LGR6: variants seen among roughly 807,000 people sequenced by gnomAD.
LGR6 encodes leucine-rich repeat-containing G protein-coupled receptor 6.
LGR6 carries 45 observed loss-of-function variants against 69.4 expected under a neutral mutation model. The ratio of observed to expected loss-of-function variants is 0.65; its 90% CI spans 0.51 to 0.83. LGR6 has a LOEUF of 0.83. Ranked by LOEUF, LGR6 falls within the 40% of genes least tolerant of loss-of-function variation. The probability of loss-of-function intolerance (pLI) is 0.00; values close to 1 mark genes in which losing one functional copy is unlikely to be tolerated. For missense variants in LGR6, 1,108 were observed against 1,246.7 expected, an observed-to-expected ratio of 0.89 and a Z score of 1.68; for synonymous variants, 538 against 555.0, an observed-to-expected ratio of 0.97 and a Z score of 0.43.
At chr1:202,306,817 G>A (rs759454424) in intron 12 of LGR6, 51 bp from the exon 13 acceptor site, 51 of 1,535,566 alleles carry the variant, frequency 3.3e-5, no homozygotes, top group East Asian at 1.1e-4. Flanking sequence ...GGCATGGAGC[G>A]GAGCCAGGGT....
At chr1:202,286,737 AT>A (rs1262622420) in intron 6 of LGR6, among the ~76,000 whole-genome samples, 4 of 151,670 alleles carry the variant, frequency 2.6e-5, no homozygotes, top group South Asian at 2.1e-4. Context: ...CCATATAAAA[AT>A]TTTTTTTTCT....
At chr1:202,284,052 G>A (rs539175445) in intron 6 of LGR6, among the ~76,000 whole-genome samples, 16 of 152,242 alleles carry the variant, frequency 1.1e-4, no homozygotes, top group Admixed American at 9.1e-4. Context: ...GCAAATCCAA[G>A]TCATTTGGGC....
chr1:202,267,363 G>C (rs1664754411), intron 4 of LGR6, among the ~76,000 whole-genome samples: 1 of 152,148 alleles, frequency 6.6e-6, no homozygotes, highest in Non-Finnish European at 1.5e-5. Flanking sequence ...ACTACTTCTA[G>C]TGCAGACACA....
intron 6 of LGR6, among the ~76,000 whole-genome samples, chr1:202,291,276 T>C (rs1407031760): frequency 6.6e-6 from 1 of 152,224 alleles, no homozygotes; most frequent in African/African-American, 2.4e-5. Flanking sequence ...CAATGAACTC[T>C]TCCTGGGCTT....
chr1:202,295,763 A>G (rs1667107845), intron 6 of LGR6, among the ~76,000 whole-genome samples: 1 of 152,240 alleles, frequency 6.6e-6, no homozygotes, highest in African/African-American at 2.4e-5. Context: ...TGAGAGGCAA[A>G]GGTATCTGAC....
intron 17 of LGR6, among the ~76,000 whole-genome samples, chr1:202,316,550 G>A (rs991423988): frequency 1.3e-5 from 2 of 152,166 alleles, no homozygotes; most frequent in African/African-American, 4.8e-5. Context: ...ATATCCAAAT[G>A]ATAACAACAG....
chr1:202,197,963 T>C (rs1658702817), intron 1 of LGR6, among the ~76,000 whole-genome samples: 1 of 152,188 alleles, frequency 6.6e-6, no homozygotes, highest in Non-Finnish European at 1.5e-5. Context: ...CAGTCACACC[T>C]AAGCACCCAT....
At chr1:202,313,955 G>T (rs1268004625) in intron 16 of LGR6, among the ~76,000 whole-genome samples, 1 of 152,162 alleles carries the variant, frequency 6.6e-6, no homozygotes, top group Non-Finnish European at 1.5e-5. Flanking sequence ...TTTGAGAGCA[G>T]GTCCATCTCT....
intron 7 of LGR6, 116 bp from the exon 8 acceptor site, chr1:202,300,733 C>T: frequency 1.7e-6 from 1 of 604,100 alleles, no homozygotes; most frequent in South Asian, 2.9e-5. Context: ...CAGGCCAATG[C>T]CTCTTTTGTC....
chr1:202,236,070 G>T, intron 4 of LGR6, 77 bp downstream of exon 4: 1 of 1,249,408 alleles, frequency 8.0e-7, no homozygotes. Flanking sequence ...CCCTGCCTCA[G>T]CTTTCCCTTC....
chr1:202,252,225 A>G (rs1427656837), intron 4 of LGR6, among the ~76,000 whole-genome samples: 1 of 151,954 alleles, frequency 6.6e-6, no homozygotes, highest in African/African-American at 2.4e-5. Context: ...TACCTCCCCA[A>G]ACTTGTCCTT....
At chr1:202,258,077 A>G (rs181351280) in intron 4 of LGR6, among the ~76,000 whole-genome samples, 12 of 152,110 alleles carry the variant, frequency 7.9e-5, no homozygotes. Flanking sequence ...ATGCTATTTT[A>G]AGTGGAATTG....
At chr1:202,288,138 T>G (rs1165533633) in intron 6 of LGR6, among the ~76,000 whole-genome samples, 1 of 152,228 alleles carries the variant, frequency 6.6e-6, no homozygotes, top group East Asian at 1.9e-4. Context: ...CTTTTGTTCC[T>G]GCATCAAGCC....
chr1:202,283,143 T>C lies in LGR6; in HGVS notation c.716+2291T>C, dbSNP rs181942169. Among the ~76,000 whole-genome samples, 8 of 152,184 alleles carry C rather than the reference T, an allele frequency of 5.3e-5. No homozygotes were observed. The East Asian group carries it at 1.5e-3, about 29-fold the overall frequency. ...AAAATTCTTACAAACCCTGACAAGC[T>C]GTATAGGAGCCTGCCCTACACTCCT... On this transcript the variant is annotated intron_variant, in intron 6 of 17. Coordinates refer to ENST00000367278, the MANE Select transcript of LGR6 (RefSeq NM_001017403.2).
intron 6 of LGR6, among the ~76,000 whole-genome samples, chr1:202,297,000 A>G (rs1488289796): frequency 6.6e-6 from 1 of 152,200 alleles, no homozygotes; most frequent in Non-Finnish European, 1.5e-5. Flanking sequence ...AAAGTACAGA[A>G]AAGTGTAAGA....
Position 202,286,100 on chromosome 1 carries a change from A to G in LGR6, c.716+5248A>G, listed in dbSNP as rs567130618. On this transcript the variant is annotated intron_variant, in intron 6 of 17. Coordinates refer to ENST00000367278, the MANE Select transcript of LGR6 (RefSeq NM_001017403.2). Reference sequence around the variant, plus strand: ...TTGGGGCCCACCCTGTTAACCAAGGATGATCTCATCTTGAGATTTTTAATT... The same window carrying G: ...TTGGGGCCCACCCTGTTAACCAAGGGTGATCTCATCTTGAGATTTTTAATT... 2.0e-5 allele frequency among the ~76,000 whole-genome samples: 3 copies of G among 152,328 alleles called. No homozygotes were observed. The South Asian group carries it at 6.2e-4, about 32-fold the overall frequency.
intron 1 of LGR6, among the ~76,000 whole-genome samples, chr1:202,199,782 T>C (rs140804485): frequency 0.011 from 1,653 of 152,074 alleles, 37 homozygotes; most frequent in African/African-American, 0.038. Flanking sequence ...TCACTTAACC[T>C]CCCCAAAGCT....
At chr1:202,213,300 C>G (rs1251530500) in intron 1 of LGR6, among the ~76,000 whole-genome samples, 1 of 152,154 alleles carries the variant, frequency 6.6e-6, no homozygotes, top group Non-Finnish European at 1.5e-5. Context: ...GTCCCAGGGC[C>G]TGACTGGTAG....
intron 1 of LGR6, chr1:202,197,053 C>G (rs1426900887): frequency 1.9e-6 from 1 of 533,194 alleles, no homozygotes; most frequent in Non-Finnish European, 3.8e-6. Flanking sequence ...ACTCGAAGAT[C>G]CTTAGAAGAA....
Sources: allele counts gnomAD v4.1 joint callset (sites outside exome capture counted in the v4.1 genomes callset), GRCh38; gene constraint gnomAD v4.1.1; transcripts MANE v1.5; gene names NCBI Gene and HGNC (gene_info 2026-07-23, HGNC 2026-07-21).